The following SLC9A9 variants were observed in gnomAD, a reference collection of about 807,000 sequenced individuals.
SLC9A9 encodes the protein solute carrier family 9 member A9.
Under a neutral mutation model 77.8 loss-of-function variants are expected in SLC9A9, and 62 were observed. That is an observed-to-expected ratio of 0.80 (90% CI 0.65 to 0.98). The LOEUF (loss-of-function observed/expected upper bound fraction) is 0.98, where lower values mean the gene tolerates loss of function less well. Ranked by LOEUF, SLC9A9 falls within the 50% of genes least tolerant of loss-of-function variation. The pLI is 0.00. For missense variants in SLC9A9, 775 were observed against 774.9 expected, an observed-to-expected ratio of 1.00 and a Z score of 0.00; for synonymous variants, 320 against 283.5, an observed-to-expected ratio of 1.13 and a Z score of -1.29.
At chr3:143,598,465 A>G (rs891858268) in intron 6 of SLC9A9, among the ~76,000 whole-genome samples, 1 of 152,142 alleles carries the variant, frequency 6.6e-6, no homozygotes, top group African/African-American at 2.4e-5. Flanking sequence ...ATGGAGGGTA[A>G]ATTAGTGGCG....
At chr3:143,808,131 G>T (rs189636985) in intron 2 of SLC9A9, among the ~76,000 whole-genome samples, 1 of 152,348 alleles carries the variant, frequency 6.6e-6, no homozygotes, top group East Asian at 1.9e-4. Flanking sequence ...TGCTTAGGTA[G>T]TAAGAAAGCC....
chr3:143,531,306 C>G (rs1464566988), intron 9 of SLC9A9, among the ~76,000 whole-genome samples: 1 of 152,176 alleles, frequency 6.6e-6, no homozygotes, highest in Non-Finnish European at 1.5e-5. Context: ...TTCCTTTATC[C>G]TGATCTTCAT....
At chr3:143,553,890 T>C (rs1177161901) in intron 8 of SLC9A9, among the ~76,000 whole-genome samples, 3 of 152,212 alleles carry the variant, frequency 2.0e-5, no homozygotes, top group African/African-American at 7.2e-5. Context: ...AATTTCTATT[T>C]TAAAAAGCAA....
intron 4 of SLC9A9, among the ~76,000 whole-genome samples, chr3:143,717,101 T>C (rs139750918): frequency 6.6e-6 from 1 of 152,314 alleles, no homozygotes; most frequent in African/African-American, 2.4e-5. Flanking sequence ...CCTTCTGGGA[T>C]ATAAGGGATG....
intron 11 of SLC9A9, among the ~76,000 whole-genome samples, chr3:143,479,161 G>C (rs1171215279): frequency 6.6e-6 from 1 of 152,206 alleles, no homozygotes; most frequent in South Asian, 2.1e-4. Context: ...AGCAGATTGT[G>C]ACAATTTATA....
chr3:143,432,156 A>G (rs2034528855), intron 12 of SLC9A9, among the ~76,000 whole-genome samples: 1 of 152,158 alleles, frequency 6.6e-6, no homozygotes, highest in African/African-American at 2.4e-5. Flanking sequence ...AAATGAAAAC[A>G]CCCTGAGCAC....
At chr3:143,717,899 A>G (rs34018627) in intron 4 of SLC9A9, among the ~76,000 whole-genome samples, 15,536 of 152,134 alleles carry the variant, frequency 0.1, 918 homozygotes, top group Non-Finnish European at 0.13. Context: ...CCATTTGCAG[A>G]TAAGGAAAGG....
At chr3:143,463,662 A>G (rs903514608) in intron 12 of SLC9A9, among the ~76,000 whole-genome samples, 4 of 152,228 alleles carry the variant, frequency 2.6e-5, no homozygotes, top group Non-Finnish European at 4.4e-5. Flanking sequence ...CTCCAAAATA[A>G]TGCTGGAGGA....
chr3:143,779,320 A>G (rs2007796052), intron 4 of SLC9A9, among the ~76,000 whole-genome samples: 1 of 152,286 alleles, frequency 6.6e-6, no homozygotes, highest in South Asian at 2.1e-4. Context: ...ACATTAACTA[A>G]TAGTATTTGA....
intron 4 of SLC9A9, among the ~76,000 whole-genome samples, chr3:143,721,004 T>C (rs994083380): frequency 1.3e-5 from 2 of 152,102 alleles, no homozygotes; most frequent in Non-Finnish European, 2.9e-5. Context: ...AGCCCTAGAG[T>C]TCGAGACCAG....
chr3:143,597,630 C>G (rs2037778763), intron 6 of SLC9A9, among the ~76,000 whole-genome samples: 2 of 152,220 alleles, frequency 1.3e-5, no homozygotes, highest in African/African-American at 4.8e-5. Context: ...GTTCTTTCTG[C>G]TCATCCACCC....
chr3:143,783,104 G>A (rs148275073), intron 4 of SLC9A9, among the ~76,000 whole-genome samples: 2 of 152,206 alleles, frequency 1.3e-5, no homozygotes, highest in Admixed American at 6.5e-5. Context: ...TGGTCAGAAC[G>A]ACCGTTAAAA....
At chr3:143,700,213 G>T (rs553320015) in intron 4 of SLC9A9, among the ~76,000 whole-genome samples, 1 of 152,088 alleles carries the variant, frequency 6.6e-6, no homozygotes, top group South Asian at 2.1e-4. Flanking sequence ...TGGGCCTTGG[G>T]TGAGACTCTG....
At chr3:143,456,384 T>C (rs571211792) in intron 12 of SLC9A9, among the ~76,000 whole-genome samples, 1 of 152,310 alleles carries the variant, frequency 6.6e-6, no homozygotes, top group South Asian at 2.1e-4. Flanking sequence ...TGTTTTACTT[T>C]TGTATTAGGG....
At position 143,548,992 on chromosome 3, in the gene SLC9A9, T is replaced by G. The variant is rs192521281; in HGVS notation, c.1089+3370A>C. ...ACTAATTGGCTTCCTACACTCTCATTAAACAGTCCTGGCAACAGAGGCAAA... is the reference window on the plus strand; with the variant it reads ...ACTAATTGGCTTCCTACACTCTCATGAAACAGTCCTGGCAACAGAGGCAAA... On this transcript the variant is annotated intron_variant, in intron 9 of 15. Coordinates refer to ENST00000316549, the MANE Select transcript of SLC9A9 (RefSeq NM_173653.4). 7.0e-4 allele frequency among the ~76,000 whole-genome samples: 107 copies of G among 152,326 alleles called. 1 individual carries two copies. Among genetic ancestry groups the G allele is most frequent in the Non-Finnish European group, 1.0e-3 (70 of 68,038 alleles).
intron 1 of SLC9A9, 60 bp downstream of exon 1, chr3:143,848,088 A>G: frequency 6.7e-7 from 1 of 1,489,708 alleles, no homozygotes; most frequent in Non-Finnish European, 9.4e-7. Context: ...ATCTGAGCAC[A>G]AGTCTCTAAT....
intron 12 of SLC9A9, among the ~76,000 whole-genome samples, chr3:143,410,563 T>C (rs2044642695): frequency 6.6e-6 from 1 of 152,236 alleles, no homozygotes; most frequent in Non-Finnish European, 1.5e-5. Context: ...ATCCAGCTCT[T>C]CATTTTGATC....
At chr3:143,655,681 TACAC>T (rs4024568) in intron 5 of SLC9A9, 54,114 of 607,728 alleles carry the variant, frequency 0.089, 327 homozygotes, top group Non-Finnish European at 0.095. Flanking sequence ...CATGCACATG[TACAC>T]ACACACACAC....
chr3:143,520,675 AG>A (rs1312766116), intron 9 of SLC9A9, among the ~76,000 whole-genome samples: 2 of 152,204 alleles, frequency 1.3e-5, no homozygotes, highest in African/African-American at 4.8e-5. Flanking sequence ...AAGCCCAAAG[AG>A]GTGCAGTGAC....
Sources: allele counts gnomAD v4.1 joint callset (sites outside exome capture counted in the v4.1 genomes callset), GRCh38; gene constraint gnomAD v4.1.1; transcripts MANE v1.5; gene names NCBI Gene and HGNC (gene_info 2026-07-23, HGNC 2026-07-21).